MYO18B: variants seen among roughly 807,000 people sequenced by gnomAD.
MYO18B encodes the protein unconventional myosin-XVIIIb.
A neutral mutation model predicts 273.0 loss-of-function variants in MYO18B; 204 were observed. That is an observed-to-expected ratio of 0.75 (90% CI 0.67 to 0.84). The LOEUF is 0.84. MYO18B is among the 40% of genes least tolerant of loss of function. The pLI is 0.00. For synonymous variants in MYO18B, 1,330 were observed against 1,305.7 expected (o/e 1.02, Z -0.40); for missense variants, 3,212 against 3,287.6 (o/e 0.98, Z 0.56).
Position 25,931,399 on chromosome 22 carries a change from T to C in MYO18B, c.5517+9990T>C, listed in dbSNP as rs188531460. On this transcript the variant is annotated intron_variant, in intron 34 of 43. Coordinates refer to ENST00000335473, the MANE Select transcript of MYO18B (RefSeq NM_032608.7). ...GGCCTGTCAAGGTCGTGATAACTAT[T>C]CTACAGCAACGATATTGACGGGGAA... Among the ~76,000 whole-genome samples, 351 of 152,346 alleles carry C rather than the reference T, an allele frequency of 2.3e-3. 2 individuals carry two copies. Among genetic ancestry groups the C allele is most frequent in the Non-Finnish European group, 3.0e-3 (206 of 68,030 alleles).
intron 9 of MYO18B, 88 bp from the exon 10 acceptor site, chr22:25,781,646 C>A (rs1248213878): frequency 2.8e-5 from 19 of 672,746 alleles, no homozygotes; most frequent in Non-Finnish European, 6.6e-6. Flanking sequence ...GAGTGGGGCA[C>A]CCCAATGGGG....
chr22:25,868,068 C>A (rs2090941378), intron 21 of MYO18B, among the ~76,000 whole-genome samples: 1 of 152,152 alleles, frequency 6.6e-6, no homozygotes, highest in African/African-American at 2.4e-5. Context: ...CATTTCGTAT[C>A]TTTGGTTTTC....
intron 39 of MYO18B, among the ~76,000 whole-genome samples, chr22:25,956,212 C>CTTTTTTTT (rs60449297): frequency 1.5e-4 from 21 of 139,340 alleles, no homozygotes; most frequent in African/African-American, 5.0e-4. Context: ...ACCGAGGAAC[C>CTTTTTTTT]TTTTTTTTTT....
intron 43 of MYO18B, chr22:26,028,249 GGA>G (rs1491564260): frequency 4.4e-5 from 6 of 136,808 alleles, no homozygotes; most frequent in African/African-American, 1.2e-4. Flanking sequence ...TCTGTCTCAG[GGA>G]AAAAAAAAAA....
intron 1 of MYO18B, among the ~76,000 whole-genome samples, chr22:25,750,434 T>C (rs2085899548): frequency 6.6e-6 from 1 of 152,150 alleles, no homozygotes; most frequent in Non-Finnish European, 1.5e-5. Context: ...AATCTGAAGA[T>C]GGTGTCTTCA....
chr22:25,979,653 G>C (rs939218585), intron 39 of MYO18B, among the ~76,000 whole-genome samples: 3 of 152,136 alleles, frequency 2.0e-5, no homozygotes, highest in Non-Finnish European at 4.4e-5. Flanking sequence ...AGGATTTTTA[G>C]GGATGGGAAA....
chr22:25,786,401 G>A (rs574100876), intron 11 of MYO18B, among the ~76,000 whole-genome samples: 2 of 151,944 alleles, frequency 1.3e-5, no homozygotes, highest in East Asian at 3.9e-4. Flanking sequence ...TCACCAGATG[G>A]AGGGAAGTAG....
chr22:25,847,683 C>A, intron 20 of MYO18B, 31 bp downstream of exon 20: 2 of 1,503,712 alleles, frequency 1.3e-6, no homozygotes, highest in Non-Finnish European at 1.8e-6. Context: ...AGCACCTTGT[C>A]TCTGACTCCT....
chr22:25,924,439 C>A (rs984261287), intron 34 of MYO18B, among the ~76,000 whole-genome samples: 6 of 152,196 alleles, frequency 3.9e-5, no homozygotes, highest in African/African-American at 1.4e-4. Context: ...CGGTGGTACC[C>A]ACCGTCATAG....
chr22:26,032,836 A>G (rs976258593), downstream of MYO18B, among the ~76,000 whole-genome samples: 4 of 152,166 alleles, frequency 2.6e-5, no homozygotes, highest in Non-Finnish European at 5.9e-5. Flanking sequence ...AAACACTGTC[A>G]CATTGTAAGG....
chr22:25,865,838 T>G (rs2090869127), intron 21 of MYO18B, among the ~76,000 whole-genome samples: 1 of 152,220 alleles, frequency 6.6e-6, no homozygotes, highest in Non-Finnish European at 1.5e-5. Context: ...CCATCTTATC[T>G]TCAGTCAATT....
chr22:25,796,587 C>A (rs886285542), intron 11 of MYO18B, among the ~76,000 whole-genome samples: 2 of 101,808 alleles, frequency 2.0e-5, no homozygotes, highest in Admixed American at 1.1e-4. Flanking sequence ...TAGAGTGAGA[C>A]CCTGTCTAAA....
At chr22:25,754,719 G>A (rs777053909) in intron 1 of MYO18B, among the ~76,000 whole-genome samples, 9 of 152,226 alleles carry the variant, frequency 5.9e-5, no homozygotes, top group African/African-American at 1.2e-4. Context: ...CTTAAATTAA[G>A]TCTTGACAAA....
intron 34 of MYO18B, among the ~76,000 whole-genome samples, chr22:25,932,775 T>G (rs2092524959): frequency 6.6e-6 from 1 of 152,152 alleles, no homozygotes; most frequent in Admixed American, 6.6e-5. Context: ...GCCAACTGCA[T>G]GTTTCTTTGT....
chr22:26,036,022 G>A (rs5997027), downstream of MYO18B, among the ~76,000 whole-genome samples: 32,163 of 152,168 alleles, frequency 0.21, 4,904 homozygotes, highest in African/African-American at 0.43. Flanking sequence ...AGGATGGGGA[G>A]TTAAGGCTCT....
chr22:25,798,263 C>T (rs773988953), intron 12 of MYO18B, among the ~76,000 whole-genome samples, 166 bp downstream of exon 12: 1 of 152,136 alleles, frequency 6.6e-6, no homozygotes, highest in Non-Finnish European at 1.5e-5. Context: ...GTGAGGAGGA[C>T]ACAGGGCTGG....
chr22:25,848,394 T>C (rs571156557), intron 20 of MYO18B, among the ~76,000 whole-genome samples: 2 of 152,234 alleles, frequency 1.3e-5, no homozygotes, highest in Admixed American at 1.3e-4. Context: ...CTGTCACCTC[T>C]GGCAAAGGGA....
intron 31 of MYO18B, among the ~76,000 whole-genome samples, chr22:25,905,776 C>A (rs1465488028): frequency 2.0e-5 from 3 of 152,150 alleles, no homozygotes; most frequent in African/African-American, 4.8e-5. Flanking sequence ...CCTTATCTCT[C>A]CCCTAGCTTC....
At chr22:25,927,880 T>G (rs1477003827) in intron 34 of MYO18B, among the ~76,000 whole-genome samples, 1 of 152,198 alleles carries the variant, frequency 6.6e-6, no homozygotes, top group Non-Finnish European at 1.5e-5. Context: ...TCCCCGATAC[T>G]CTTTATTGGA....
Sources: allele counts gnomAD v4.1 joint callset (sites outside exome capture counted in the v4.1 genomes callset), GRCh38; gene constraint gnomAD v4.1.1; transcripts MANE v1.5; gene names NCBI Gene and HGNC (gene_info 2026-07-23, HGNC 2026-07-21).